Variants in LHFPL6 observed in about 807,000 individuals in gnomAD.
LHFPL6 encodes the protein LHFPL tetraspan subfamily member 6.
In LHFPL6, 9 loss-of-function variants were observed where a neutral mutation model predicts 20.6. The ratio of observed to expected loss-of-function variants is 0.44; its 90% CI spans 0.26 to 0.76. LHFPL6 has a LOEUF of 0.76. Ranked by LOEUF, LHFPL6 falls within the 30% of genes least tolerant of loss-of-function variation. The pLI, the probability that LHFPL6 is intolerant of heterozygous loss-of-function variation, is 0.20. For synonymous variants in LHFPL6, 105 were observed against 98.7 expected (o/e 1.06, Z -0.38); for missense variants, 218 against 253.5 (o/e 0.86, Z 0.95).
chr13:39,590,922 C>T (rs1072605), intron 2 of LHFPL6, among the ~76,000 whole-genome samples: 7,331 of 152,156 alleles, frequency 0.048, 300 homozygotes, highest in African/African-American at 0.099. Context: ...TATCTGGCTA[C>T]GGCTGTGTTT....
rs150815965 is a variant in LHFPL6 at position 39,595,606 on chromosome 13, C to A, written c.385+5226G>T. 3.3e-5 allele frequency among the ~76,000 whole-genome samples: 5 copies of A among 152,280 alleles called. No homozygotes were observed. The East Asian group carries it at 9.6e-4, about 29-fold the overall frequency. ...CCGCGCCCAGCATGCATCTCCCTTT[C>A]ATTCCTTCCTGGCTGGCAAAGCCCC... On this transcript the variant is annotated intron_variant, in intron 2 of 3. Transcript: ENST00000379589.
At chr13:39,420,496 A>G (rs1871453378) in intron 2 of LHFPL6, among the ~76,000 whole-genome samples, 1 of 152,222 alleles carries the variant, frequency 6.6e-6, no homozygotes, top group Admixed American at 6.5e-5. Flanking sequence ...TAATGTATCA[A>G]AATGACAAGA....
At chr13:39,353,653 G>T (rs768433625) in intron 3 of LHFPL6, among the ~76,000 whole-genome samples, 1 of 152,110 alleles carries the variant, frequency 6.6e-6, no homozygotes, top group Non-Finnish European at 1.5e-5. Flanking sequence ...TCTTGAACCC[G>T]GGAGGCGGAG....
intron 2 of LHFPL6, among the ~76,000 whole-genome samples, chr13:39,426,888 T>C (rs1466469836): frequency 6.6e-6 from 1 of 152,158 alleles, no homozygotes; most frequent in Non-Finnish European, 1.5e-5. Context: ...TTTATAATTT[T>C]AGGTTTTACA....
intron 2 of LHFPL6, among the ~76,000 whole-genome samples, chr13:39,413,584 AGT>A (rs1491267989): frequency 6.5e-5 from 1 of 15,290 alleles, no homozygotes; most frequent in East Asian, 1.9e-3. Flanking sequence ...ACAACCGACT[AGT>A]TTTTTTTTTT....
intron 2 of LHFPL6, among the ~76,000 whole-genome samples, chr13:39,428,040 G>C (rs1435850892): frequency 2.0e-5 from 3 of 152,174 alleles, no homozygotes; most frequent in Non-Finnish European, 4.4e-5. Context: ...GCAGATGCTA[G>C]GATTGCGCTT....
intron 3 of LHFPL6, among the ~76,000 whole-genome samples, chr13:39,374,407 T>C (rs1353463053): frequency 1.3e-5 from 2 of 151,858 alleles, no homozygotes; most frequent in African/African-American, 4.8e-5. Flanking sequence ...GGGGCAAGGG[T>C]TGAAAACTAA....
At chr13:39,345,254 T>G (rs1180231823) in intron 3 of LHFPL6, among the ~76,000 whole-genome samples, 1 of 152,138 alleles carries the variant, frequency 6.6e-6, no homozygotes, top group Non-Finnish European at 1.5e-5. Context: ...GGCTCATGCC[T>G]GTAATCCCAG....
At chr13:39,366,705 C>T (rs1040162804) in intron 3 of LHFPL6, among the ~76,000 whole-genome samples, 2 of 152,176 alleles carry the variant, frequency 1.3e-5, no homozygotes, top group African/African-American at 4.8e-5. Flanking sequence ...CAGCAGGCAG[C>T]ATGAGCTCCA....
intron 2 of LHFPL6, among the ~76,000 whole-genome samples, chr13:39,420,777 T>C (rs1350724192): frequency 6.6e-6 from 1 of 152,234 alleles, no homozygotes; most frequent in Non-Finnish European, 1.5e-5. Context: ...CCTCATGGTA[T>C]GCTGTCGCAA....
At chr13:39,556,138 G>A (rs1325580960) in intron 2 of LHFPL6, among the ~76,000 whole-genome samples, 1 of 152,168 alleles carries the variant, frequency 6.6e-6, no homozygotes, top group Non-Finnish European at 1.5e-5. Context: ...CAGCAGAACC[G>A]TGAGTCAATA....
intron 2 of LHFPL6, among the ~76,000 whole-genome samples, chr13:39,422,764 T>G (rs1326831611): frequency 1.3e-5 from 2 of 152,158 alleles, no homozygotes; most frequent in Non-Finnish European, 2.9e-5. Context: ...ACAAGTGTAT[T>G]AGTCCATTCT....
intron 2 of LHFPL6, among the ~76,000 whole-genome samples, chr13:39,392,148 GAT>G (rs1157485545): frequency 6.6e-6 from 1 of 151,946 alleles, no homozygotes; most frequent in African/African-American, 2.4e-5. Flanking sequence ...AATATTAAAA[GAT>G]ATAAAAACGT....
intron 2 of LHFPL6, among the ~76,000 whole-genome samples, chr13:39,497,474 C>G (rs1023955979): frequency 1.3e-5 from 2 of 152,202 alleles, no homozygotes; most frequent in African/African-American, 4.8e-5. Context: ...TACCCTCATG[C>G]TAAGAGGCAC....
chr13:39,592,678 A>G (rs1872648058), intron 2 of LHFPL6, among the ~76,000 whole-genome samples: 1 of 152,208 alleles, frequency 6.6e-6, no homozygotes, highest in African/African-American at 2.4e-5. Flanking sequence ...AAAAAAGAGA[A>G]TTTTAGACCA....
intron 2 of LHFPL6, among the ~76,000 whole-genome samples, chr13:39,546,307 C>T (rs1282682151): frequency 6.6e-6 from 1 of 152,114 alleles, no homozygotes; most frequent in Non-Finnish European, 1.5e-5. Flanking sequence ...GCATTACAAA[C>T]CACTTCTGAT....
intron 2 of LHFPL6, among the ~76,000 whole-genome samples, chr13:39,557,802 G>A (rs2138516945): frequency 6.6e-6 from 1 of 152,322 alleles, no homozygotes; most frequent in Non-Finnish European, 1.5e-5. Flanking sequence ...TTGCTCCTCA[G>A]CGTGCTTGGA....
chr13:39,433,527 A>C (rs927827555), intron 2 of LHFPL6, among the ~76,000 whole-genome samples: 6 of 152,220 alleles, frequency 3.9e-5, no homozygotes, highest in African/African-American at 9.6e-5. Flanking sequence ...GAAACTCCTG[A>C]CAAGGTTGCA....
At chr13:39,530,273 A>AAAAAG (rs1352796591) in intron 2 of LHFPL6, among the ~76,000 whole-genome samples, 4 of 151,994 alleles carry the variant, frequency 2.6e-5, no homozygotes, top group Non-Finnish European at 5.9e-5. Context: ...TATTAAAAAA[A>AAAAAG]AAAAGAAAAG....
Sources: gnomAD v4.1 joint callset for allele counts (sites outside exome capture counted in the v4.1 genomes callset) on GRCh38, gnomAD v4.1.1 for gene constraint, MANE v1.5 for transcripts, NCBI Gene and HGNC (gene_info 2026-07-23, HGNC 2026-07-21) for gene names.